The following PARP8 variants were observed in gnomAD, a reference collection of about 807,000 sequenced individuals.
PARP8 encodes protein mono-ADP-ribosyltransferase PARP8.
A neutral mutation model predicts 124.1 loss-of-function variants in PARP8; 51 were observed. That is an observed-to-expected ratio of 0.41 (90% CI 0.33 to 0.52). The LOEUF (loss-of-function observed/expected upper bound fraction) is 0.52. Ranked by LOEUF, PARP8 falls within the 20% of genes least tolerant of loss-of-function variation. PARP8 has a pLI of 0.21. For missense variants in PARP8, 860 were observed against 1,018.9 expected (o/e 0.84, Z 2.12); for synonymous variants, 391 against 361.5 (o/e 1.08, Z -0.93).
intron 9 of PARP8, among the ~76,000 whole-genome samples, chr5:50,788,221 A>AATATATAATATAT: frequency 6.8e-6 from 1 of 147,322 alleles, no homozygotes; most frequent in African/African-American, 2.5e-5. Context: ...ATTATACATT[A>AATATATAATATAT]TACTGTATAT....
chr5:50,763,585 A>C (rs1398131440), intron 7 of PARP8, among the ~76,000 whole-genome samples: 1 of 152,184 alleles, frequency 6.6e-6, no homozygotes. Flanking sequence ...GGATAAAAGT[A>C]AATGATGCCT....
chr5:50,760,739 C>G (rs1391911444), intron 5 of PARP8, among the ~76,000 whole-genome samples: 1 of 151,976 alleles, frequency 6.6e-6, no homozygotes, highest in Non-Finnish European at 1.5e-5. Flanking sequence ...ATTTCTTTAG[C>G]CAAAGTAACA....
At chr5:50,747,149 TGTTTGTTTG>T (rs1561320422) in intron 2 of PARP8, among the ~76,000 whole-genome samples, 1 of 112,300 alleles carries the variant, frequency 8.9e-6, no homozygotes, top group South Asian at 2.9e-4. Context: ...TGGTTTTTTT[TGTTTGTTTG>T]TTTTGTTTTT....
At chr5:50,747,163 G>GTTTTTTTTTTTTTTTTTGT in intron 2 of PARP8, among the ~76,000 whole-genome samples, 1 of 95,504 alleles carries the variant, frequency 1.0e-5, no homozygotes, top group Non-Finnish European at 2.0e-5. Context: ...TGTTTGTTTT[G>GTTTTTTTTTTTTTTTTTGT]TTTTTTTTTT....
In PARP8 at chr5:50,843,508, A is replaced by G. The variant is rs1205820499; in HGVS notation, c.*1440A>G. ...GGTAGCAGTTTAGGAAGTGTTTTCT[A>G]ATAATTTGTTTTGTTATATTGCAAA... On this transcript the variant is annotated 3_prime_UTR_variant, in exon 26 of 26. Transcript: ENST00000281631. 1 of 151,796 alleles carries G rather than the reference A, an allele frequency of 6.6e-6. No homozygotes were observed. The highest frequency in any genetic ancestry group is 1.5e-5 in the Non-Finnish European group (1 of 67,828). The allele number at this position is 151,796 out of a possible 1,614,324, so 9.4% of individuals were successfully genotyped here.
At chr5:50,712,020 T>C (rs1469348481) in intron 2 of PARP8, among the ~76,000 whole-genome samples, 1 of 152,144 alleles carries the variant, frequency 6.6e-6, no homozygotes, top group Admixed American at 6.6e-5. Flanking sequence ...AAGGACCTCA[T>C]TACTTCTTCC....
At chr5:50,747,264 A>G (rs1758691067) in intron 2 of PARP8, among the ~76,000 whole-genome samples, 3 of 149,968 alleles carry the variant, frequency 2.0e-5, no homozygotes, top group Non-Finnish European at 4.4e-5. Flanking sequence ...CAAGGACTTA[A>G]GACTCAAATG....
At chr5:50,780,353 A>G (rs1279697063) in intron 9 of PARP8, among the ~76,000 whole-genome samples, 1 of 152,160 alleles carries the variant, frequency 6.6e-6, no homozygotes, top group African/African-American at 2.4e-5. Flanking sequence ...AAAGAAAAGG[A>G]AGTCCTTATG....
At chr5:50,667,620 C>G (rs1262739388) in intron 1 of PARP8, 2 of 699,040 alleles carry the variant, frequency 2.9e-6, no homozygotes, top group Non-Finnish European at 5.2e-6. Flanking sequence ...CGCCCGGCGC[C>G]GAGGACCCCC....
chr5:50,772,840 G>A (rs924384403), intron 7 of PARP8, among the ~76,000 whole-genome samples: 4 of 152,118 alleles, frequency 2.6e-5, no homozygotes, highest in African/African-American at 9.7e-5. Flanking sequence ...GGGGCTACAG[G>A]CGTGTGCCAC....
In PARP8 at chr5:50,666,896, G is replaced by A. The variant is rs1201898281; in HGVS notation, c.-200G>A. The A allele has an allele frequency of 3.7e-6, 5 of 1,353,926 alleles. No homozygotes were observed. The highest frequency in any genetic ancestry group is 3.7e-5 in the African/African-American group (2 of 54,018). 83.9% of individuals were successfully genotyped at this position (1,353,926 alleles called of 1,614,324 possible). ...CGGTCACATCTGGGAATGCAAAGCC[G>A]ACCTCCCCCTCCTCCTCCTCCTCCC... On this transcript the variant is annotated 5_prime_UTR_variant, in exon 1 of 26. Transcript: ENST00000281631.
At chr5:50,747,148 TTGTTTGTTTG>T (rs1230960474) in intron 2 of PARP8, among the ~76,000 whole-genome samples, 2 of 118,774 alleles carry the variant, frequency 1.7e-5, no homozygotes, top group African/African-American at 7.2e-5. Context: ...ATGGTTTTTT[TTGTTTGTTTG>T]TTTTGTTTTT....
At chr5:50,697,210 T>C (rs1019790464) in intron 2 of PARP8, among the ~76,000 whole-genome samples, 1 of 152,134 alleles carries the variant, frequency 6.6e-6, no homozygotes, top group Admixed American at 6.6e-5. Context: ...GAGCCGAGAT[T>C]GTGCCACAGC....
intron 3 of PARP8, among the ~76,000 whole-genome samples, chr5:50,751,902 T>C (rs552135888): frequency 9.2e-5 from 14 of 152,302 alleles, no homozygotes; most frequent in Non-Finnish European, 1.6e-4. Context: ...CTAAGAGTTG[T>C]TGGTTAATAT....
chr5:50,666,803 G>C lies in PARP8; in HGVS notation c.-293G>C, dbSNP rs1217044268. 3.5e-6 allele frequency: 4 copies of C among 1,136,270 alleles called. No individual in the cohort carries two copies. In the African/African-American group the frequency reaches 4.9e-5, roughly 14 times the overall value. 70.4% of individuals were successfully genotyped at this position (1,136,270 alleles called of 1,614,324 possible). On this transcript the variant is annotated 5_prime_UTR_variant, in exon 1 of 26. Transcript: ENST00000281631. ...GCGGGTGAGGGAGAAAGTGAGACTTGGTGTCATCACCATCCATTGTCAGAA... is the reference window on the plus strand; with the variant it reads ...GCGGGTGAGGGAGAAAGTGAGACTTCGTGTCATCACCATCCATTGTCAGAA...
intron 2 of PARP8, among the ~76,000 whole-genome samples, chr5:50,715,021 CT>C (rs1755154609): frequency 6.6e-6 from 1 of 151,386 alleles, no homozygotes; most frequent in African/African-American, 2.4e-5. Flanking sequence ...CTTTTTTTTC[CT>C]TTCATTTTCT....
chr5:50,772,995 G>T (rs1029943699), intron 7 of PARP8, among the ~76,000 whole-genome samples: 2 of 152,194 alleles, frequency 1.3e-5, no homozygotes, highest in Non-Finnish European at 2.9e-5. Context: ...ACCACACCTG[G>T]ACTTTTGCCC....
At chr5:50,741,859 G>A (rs545792770) in intron 2 of PARP8, 11 of 441,474 alleles carry the variant, frequency 2.5e-5, no homozygotes, top group East Asian at 1.4e-4. Flanking sequence ...TGCCCAGGCC[G>A]GGTGCAATAG....
intron 2 of PARP8, chr5:50,744,913 TAACA>T: frequency 1.6e-6 from 1 of 609,762 alleles, no homozygotes; most frequent in South Asian, 2.0e-5. Flanking sequence ...CAGCACATAC[TAACA>T]GTACTCTGCA....
Sources: allele counts gnomAD v4.1 joint callset (sites outside exome capture counted in the v4.1 genomes callset), GRCh38; gene constraint gnomAD v4.1.1; transcripts MANE v1.5; gene names NCBI Gene and HGNC (gene_info 2026-07-23, HGNC 2026-07-21).